SLC12A2: variants seen among roughly 807,000 people sequenced by gnomAD.
The protein encoded by SLC12A2 is Na-K-2Cl cotransporter 1.
SLC12A2 carries 67 observed loss-of-function variants against 136.3 expected under a neutral mutation model. The observed-to-expected ratio is 0.49, with a 90% CI of 0.40 to 0.60. SLC12A2 has a LOEUF of 0.60. Ranked by LOEUF, SLC12A2 falls within the 20% of genes least tolerant of loss-of-function variation. The probability of loss-of-function intolerance (pLI) is 0.00; values close to 1 mark genes in which losing one functional copy is unlikely to be tolerated. For missense variants in SLC12A2, 1,322 were observed against 1,534.7 expected (o/e 0.86, Z 2.32); for synonymous variants, 619 against 562.9 (o/e 1.10, Z -1.41).
intron 9 of SLC12A2, 21 bp from the exon 10 acceptor site, chr5:128,141,809 T>G: frequency 1.9e-6 from 3 of 1,603,312 alleles, no homozygotes; most frequent in Non-Finnish European, 1.7e-6. Context: ...TATATTATTC[T>G]TGTTGTCACT....
At chr5:128,152,891 T>G (rs1762749579) in intron 15 of SLC12A2, 86 bp downstream of exon 15, 1 of 850,000 alleles carries the variant, frequency 1.2e-6, no homozygotes, top group Non-Finnish European at 2.0e-6. Flanking sequence ...TCATGTACAT[T>G]TCACATTTTT....
intron 4 of SLC12A2, among the ~76,000 whole-genome samples, chr5:128,118,204 T>C (rs748748019): frequency 6.6e-6 from 1 of 152,190 alleles, no homozygotes; most frequent in African/African-American, 2.4e-5. Flanking sequence ...TACAGCAGTC[T>C]TCCTGCTGGG....
In SLC12A2 at chr5:128,084,234, G is replaced by A. The variant is rs1269561751; in HGVS notation, c.280G>A (p.Ala94Thr). ...GGTTTCCGAGAACGCCGGGCGGGCC[G>A]CTGCTGCGGCGGCGGCGGCGGCGGC... ...DLVSENAGRA[A>T]AAAAAAAAAA... is the part of the protein sequence containing the mutation. Residue 94 changes from alanine (A) to threonine (T), a missense_variant, in exon 1 of 27, where the codon GCT becomes ACT. Physicochemically the swap from Ala to Thr is moderately conservative, Grantham distance 58. Around this residue, in one of 8 missense-constraint regions of SLC12A2, gnomAD observed 358 missense variants for 299.7 expected, o/e 1.19. Coordinates refer to ENST00000262461, the MANE Select transcript of SLC12A2 (RefSeq NM_001046.3). This position sits in a 1 kb window ranked among gnomAD's most constrained non-coding sequence, Gnocchi z 5.6. 1.3e-5 allele frequency: 17 copies of A among 1,276,672 alleles called. No homozygotes were observed. Among genetic ancestry groups the A allele is most frequent in the Non-Finnish European group, 1.6e-5 (16 of 1,022,084 alleles). 79.1% of individuals were successfully genotyped at this position (1,276,672 alleles called of 1,614,324 possible). A position where few individuals can be genotyped will look rare whatever the true frequency, so the allele number is the denominator to read the frequency against.
chr5:128,107,970 A>C (rs1490615866), intron 1 of SLC12A2, among the ~76,000 whole-genome samples: 2 of 152,116 alleles, frequency 1.3e-5, no homozygotes, highest in African/African-American at 4.8e-5. Context: ...AATGATTGCC[A>C]TTCTAACTGG....
intron 1 of SLC12A2, chr5:128,110,398 C>A: frequency 9.7e-7 from 1 of 1,025,722 alleles, no homozygotes; most frequent in Non-Finnish European, 1.6e-6. Flanking sequence ...AAAAACTCCA[C>A]AGCTGTCTTG....
At chr5:128,152,596 C>A in intron 14 of SLC12A2, 110 bp from the exon 15 acceptor site, 2 of 725,642 alleles carry the variant, frequency 2.8e-6, no homozygotes, top group Non-Finnish European at 5.1e-6. Context: ...TGTATTTCAG[C>A]AATTGACTTT....
At chr5:128,175,780 T>C (rs948455445) in intron 20 of SLC12A2, among the ~76,000 whole-genome samples, 3 of 152,010 alleles carry the variant, frequency 2.0e-5, no homozygotes, top group Non-Finnish European at 4.4e-5. Context: ...ACTTACTTTA[T>C]AATTGTTAAA....
chr5:128,109,575 G>A (rs1434693560), intron 1 of SLC12A2: 2 of 714,450 alleles, frequency 2.8e-6, no homozygotes, highest in Admixed American at 1.8e-5. Flanking sequence ...CCGGAGAAGA[G>A]CAAAATATGG....
chr5:128,122,719 A>G (rs182574098), intron 4 of SLC12A2, among the ~76,000 whole-genome samples: 102 of 152,278 alleles, frequency 6.7e-4, no homozygotes, highest in African/African-American at 2.3e-3. Context: ...ACTGTGACAG[A>G]AAAGTGCTTT....
chr5:128,132,096 CAGG>C (rs1200470545), intron 5 of SLC12A2, among the ~76,000 whole-genome samples: 11 of 152,258 alleles, frequency 7.2e-5, no homozygotes, highest in African/African-American at 2.4e-4. Flanking sequence ...AAAAAATAAT[CAGG>C]AGAAGGGTCT....
At chr5:128,110,768 A>T (rs1312103157) in intron 1 of SLC12A2, 1 of 1,464,054 alleles carries the variant, frequency 6.8e-7, no homozygotes, top group Non-Finnish European at 9.6e-7. Flanking sequence ...TGGACAAAAG[A>T]TCACAATGAA....
At chr5:128,146,207 G>T (rs1165713704) in intron 10 of SLC12A2, among the ~76,000 whole-genome samples, 1 of 151,778 alleles carries the variant, frequency 6.6e-6, no homozygotes, top group East Asian at 1.9e-4. Flanking sequence ...AATGCATTTT[G>T]TGTAAGCACA....
chr5:128,084,200 G>A lies in SLC12A2; in HGVS notation c.246G>A (p.Gln82=), dbSNP rs1007813354. 5 of 1,288,460 alleles carry A rather than the reference G, an allele frequency of 3.9e-6. No individual in the cohort carries two copies. The highest frequency in any genetic ancestry group is 3.9e-6 in the Non-Finnish European group (4 of 1,026,988). The allele number at this position is 1,288,460 out of a possible 1,614,324, so 79.8% of individuals were successfully genotyped here. The change falls in exon 1 of 27, where the codon CAG becomes CAA. Residue 82 remains glutamine, a synonymous_variant. Transcript: ENST00000262461. The surrounding 1 kb of genome is among the most constrained non-coding windows in gnomAD (Gnocchi z 5.6). ...LGPTPSQSRF[Q]VDLVSENAGR... ...CCACCCCGAGCCAGAGCCGTTTCCAGGTGGACCTGGTTTCCGAGAACGCCG... is the reference window on the plus strand; with the variant it reads ...CCACCCCGAGCCAGAGCCGTTTCCAAGTGGACCTGGTTTCCGAGAACGCCG...
At position 128,189,411 on chromosome 5, in the gene SLC12A2, C is replaced by T. The variant is rs557424421; in HGVS notation, c.*2780C>T. ...ACTGAAATCAAATATTTATTTGTTACATTATTCCATTTGTATTTTAGGTTT... is the reference window on the plus strand; with the variant it reads ...ACTGAAATCAAATATTTATTTGTTATATTATTCCATTTGTATTTTAGGTTT... On this transcript the variant is annotated 3_prime_UTR_variant, in exon 27 of 27. Transcript: ENST00000262461. 2.6e-5 allele frequency: 4 copies of T among 152,320 alleles called. No individual in the cohort carries two copies. Among genetic ancestry groups the T allele is most frequent in the African/African-American group, 9.6e-5 (4 of 41,554 alleles). The allele number at this position is 152,320 out of a possible 1,614,324, so 9.4% of individuals were successfully genotyped here.
chr5:128,165,198 GA>G lies in SLC12A2; in HGVS notation c.2617-2562del, dbSNP rs542288971. On this transcript the variant is annotated intron_variant, in intron 17 of 26. Coordinates refer to ENST00000262461, the MANE Select transcript of SLC12A2 (RefSeq NM_001046.3). ...CTTATCAATAAATAGCTTGCTTAGA[GA>G]CCTCTTTGAGCAAAGGACATTAGCA... Among the ~76,000 whole-genome samples, 273 of 152,200 alleles carry G rather than the reference GA, an allele frequency of 1.8e-3. 1 individual carries two copies. Among genetic ancestry groups the G allele is most frequent in the African/African-American group, 6.4e-3 (265 of 41,516 alleles).
At chr5:128,118,058 A>C (rs997125340) in intron 4 of SLC12A2, among the ~76,000 whole-genome samples, 27 of 152,184 alleles carry the variant, frequency 1.8e-4, no homozygotes, top group African/African-American at 6.0e-4. Flanking sequence ...TAAAAAAAAT[A>C]ATAAAAATAA....
intron 5 of SLC12A2, among the ~76,000 whole-genome samples, chr5:128,132,710 C>A (rs1024520979): frequency 1.3e-5 from 2 of 152,058 alleles, no homozygotes; most frequent in Admixed American, 1.3e-4. Flanking sequence ...GGATTGACAC[C>A]TGCGTTGACA....
intron 1 of SLC12A2, among the ~76,000 whole-genome samples, chr5:128,090,671 G>T (rs1388928852): frequency 1.3e-5 from 2 of 152,180 alleles, no homozygotes; most frequent in Admixed American, 6.5e-5. Context: ...TGCTGTTTTA[G>T]CATTGTTAGG....
chr5:128,164,158 C>A (rs1032207270), intron 17 of SLC12A2, among the ~76,000 whole-genome samples: 83 of 152,106 alleles, frequency 5.5e-4, no homozygotes, highest in African/African-American at 2.0e-3. Flanking sequence ...TTAGGCCCCA[C>A]CCCAGAATGA....
Sources: gnomAD v4.1 joint callset for allele counts (sites outside exome capture counted in the v4.1 genomes callset) on GRCh38, gnomAD v4.1.1 for gene constraint, gnomAD v4.1.1 regional missense constraint, Gnocchi (gnomAD v3.1) non-coding constraint, MANE v1.5 for transcripts, NCBI Gene and HGNC (gene_info 2026-07-23, HGNC 2026-07-21) for gene names.